Variants in TPM4 observed in about 807,000 individuals in gnomAD.
The protein encoded by TPM4 is tropomyosin alpha-4 chain.
TPM4 carries 17 observed loss-of-function variants against 35.8 expected under a neutral mutation model. That is an observed-to-expected ratio of 0.47 (90% CI 0.32 to 0.71). The LOEUF is 0.71. TPM4 is among the 30% of genes least tolerant of loss of function. The probability of loss-of-function intolerance (pLI) is 0.03; values close to 1 mark genes in which losing one functional copy is unlikely to be tolerated. For missense variants in TPM4, 240 were observed against 320.9 expected, an observed-to-expected ratio of 0.75 and a Z score of 1.93; for synonymous variants, 120 against 122.9, an observed-to-expected ratio of 0.98 and a Z score of 0.15.
At chr19:16,082,109 C>A in intron 2 of TPM4, 63 bp downstream of exon 2, 1 of 1,547,280 alleles carries the variant, frequency 6.5e-7, no homozygotes, top group Non-Finnish European at 8.8e-7. Flanking sequence ...ATCATGCTGC[C>A]GACCTCGCAG....
At chr19:16,090,649 T>G (rs946826260) in intron 5 of TPM4, among the ~76,000 whole-genome samples, 3 of 152,180 alleles carry the variant, frequency 2.0e-5, no homozygotes, top group Non-Finnish European at 2.9e-5. Flanking sequence ...TGTGTAGCCC[T>G]GTCTATACTT....
chr19:16,086,575 A>G (rs1176047044), intron 3 of TPM4, 35 bp downstream of exon 3: 1 of 1,571,514 alleles, frequency 6.4e-7, no homozygotes, highest in Non-Finnish European at 8.7e-7. Flanking sequence ...AGCAGCAGGA[A>G]GTGGGAGGAA....
upstream of TPM4, chr19:16,076,035 T>C (rs972947538): frequency 6.3e-6 from 10 of 1,576,028 alleles, no homozygotes; most frequent in African/African-American, 1.4e-4. Flanking sequence ...TTCCTCGCTC[T>C]GTCGTCCCCA....
At chr19:16,092,531 A>AC (rs1280933192) in intron 5 of TPM4, among the ~76,000 whole-genome samples, 1 of 147,382 alleles carries the variant, frequency 6.8e-6, no homozygotes, top group Non-Finnish European at 1.5e-5. Flanking sequence ...TACTCTGCCT[A>AC]CTTTTTTTTT....
intron 2 of TPM4, 77 bp from the exon 3 acceptor site, chr19:16,086,346 T>C: frequency 1.5e-6 from 2 of 1,317,040 alleles, no homozygotes; most frequent in Non-Finnish European, 2.2e-6. Context: ...CGAGACTCCA[T>C]CTGAAAGAAA....
intron 5 of TPM4, 21 bp from the exon 6 acceptor site, chr19:16,093,515 G>C (rs776413413): frequency 6.2e-7 from 1 of 1,613,782 alleles, no homozygotes; most frequent in Non-Finnish European, 8.5e-7. Flanking sequence ...TCTTAAAGCA[G>C]TGTTTTGGTT....
chr19:16,085,022 G>A (rs532386246), intron 2 of TPM4, among the ~76,000 whole-genome samples: 2 of 152,018 alleles, frequency 1.3e-5, no homozygotes, highest in South Asian at 2.1e-4. Flanking sequence ...TTTGGGAGGC[G>A]GGCGGATCGC....
chr19:16,099,022 G>A (rs2090733685), intron 7 of TPM4, among the ~76,000 whole-genome samples: 1 of 151,686 alleles, frequency 6.6e-6, no homozygotes, highest in South Asian at 2.1e-4. Flanking sequence ...ATAGGCCCAG[G>A]TCACTGATCT....
rs939696612 is a variant in TPM4 at position 16,068,569 on chromosome 19, T to C, written c.114+831T>C. The stretch of plus-strand genomic sequence containing the variant: ...CTGCATGTTTGAGCATTTGTGTCTG[T>C]GTGTACATGTATTGTGTATGTTTGA... On this transcript the variant is annotated intron_variant, in intron 2 of 2. Transcript: ENST00000589897. 2.6e-5 allele frequency among the ~76,000 whole-genome samples: 4 copies of C among 152,246 alleles called. No individual in the cohort carries two copies. In the South Asian group the frequency reaches 8.3e-4, roughly 31 times the overall value.
chr19:16,095,740 C>T, intron 7 of TPM4: 1 of 326,310 alleles, frequency 3.1e-6, no homozygotes, highest in African/African-American at 2.2e-5. Flanking sequence ...CATCTGCATG[C>T]CAATAATTTT....
chr19:16,081,754 TA>T, intron 1 of TPM4, 158 bp from the exon 2 acceptor site: 1 of 925,802 alleles, frequency 1.1e-6, no homozygotes, highest in East Asian at 2.7e-5. Context: ...GGGAAGATCA[TA>T]CTGAAATTTT....
At chr19:16,087,451 C>T (rs1021375595) in intron 3 of TPM4, among the ~76,000 whole-genome samples, 3 of 152,106 alleles carry the variant, frequency 2.0e-5, no homozygotes, top group Non-Finnish European at 4.4e-5. Flanking sequence ...GTCGTGCATG[C>T]CTGTAAGCCC....
upstream of TPM4, among the ~76,000 whole-genome samples, chr19:16,073,049 A>C (rs886958157): frequency 2.0e-5 from 3 of 151,902 alleles, no homozygotes; most frequent in African/African-American, 4.8e-5. Flanking sequence ...ACCAAACAAA[A>C]AAACCCCAAA....
rs752681720 is a variant in TPM4 at position 16,095,336 on chromosome 19, C to A, written c.664+1583C>A. 19 of 1,038,416 alleles carry A rather than the reference C, an allele frequency of 1.8e-5. No homozygotes were observed. The African/African-American group carries it at 3.0e-4, about 17-fold the overall frequency. 64.3% of individuals were successfully genotyped at this position (1,038,416 alleles called of 1,614,324 possible). A position where few individuals can be genotyped will look rare whatever the true frequency, so the allele number is the denominator to read the frequency against. On this transcript the variant is annotated intron_variant, in intron 7 of 7. Transcript: ENST00000643579. ...CTGGACCACGCTCTCAACGACATGA[C>A]CTCTCTCTGAGAGGCAGCCAGGTCG... is the stretch of plus-strand genomic sequence containing the variant.
chr19:16,076,786 G>T (rs1439363497), intron 1 of TPM4, 89 bp downstream of exon 1: 38 of 1,281,002 alleles, frequency 3.0e-5, no homozygotes, highest in Non-Finnish European at 3.6e-5. Flanking sequence ...GCCCGCCCGC[G>T]CGCAGTCCTC....
chr19:16,067,739 G>T lies in TPM4; in HGVS notation c.114+1G>T. ...AGCCGCTGAGGACAAGTGCAAGCAG[G>T]TGAGGTGCCCTCCGCTGGGCCGCTC... On this transcript the variant is annotated splice_donor_variant, in intron 2 of 2. Transcript: ENST00000589897. LOFTEE classifies it high-confidence loss of function. The surrounding 1 kb of genome is among the most constrained non-coding windows in gnomAD (Gnocchi z 4.1). The T allele has an allele frequency of 1.2e-6, 2 of 1,611,504 alleles. No homozygotes were observed. The highest frequency in any genetic ancestry group is 1.7e-6 in the Non-Finnish European group (2 of 1,179,378).
At chr19:16,088,214 CA>C in intron 4 of TPM4, 117 bp downstream of exon 4, 8 of 1,461,164 alleles carry the variant, frequency 5.5e-6, no homozygotes, top group Middle Eastern at 3.4e-4. Flanking sequence ...GGACGGGCGT[CA>C]GGGGCTCATG....
At chr19:16,086,981 A>C (rs2090563250) in intron 3 of TPM4, among the ~76,000 whole-genome samples, 1 of 151,978 alleles carries the variant, frequency 6.6e-6, no homozygotes, top group Non-Finnish European at 1.5e-5. Context: ...TGGCTCTTTC[A>C]GTTGAAGCGC....
upstream of TPM4, among the ~76,000 whole-genome samples, chr19:16,072,314 A>AGAGG (rs1283315703): frequency 6.6e-6 from 1 of 152,226 alleles, no homozygotes; most frequent in Non-Finnish European, 1.5e-5. Context: ...GGGCCGGACC[A>AGAGG]GAGGGAGGGA....
Sources: gnomAD v4.1 joint callset for allele counts (sites outside exome capture counted in the v4.1 genomes callset) on GRCh38, gnomAD v4.1.1 for gene constraint, Gnocchi (gnomAD v3.1) non-coding constraint, MANE v1.5 for transcripts, NCBI Gene and HGNC (gene_info 2026-07-23, HGNC 2026-07-21) for gene names.